The following UNK variants were observed in gnomAD, a reference collection of about 807,000 sequenced individuals.
UNK encodes the protein RING finger protein unkempt homolog.
A neutral mutation model predicts 97.6 loss-of-function variants in UNK; 32 were observed. The observed-to-expected ratio is 0.33, with a 90% confidence interval of 0.25 to 0.44. The LOEUF (loss-of-function observed/expected upper bound fraction) is 0.44, where lower values mean the gene tolerates loss of function less well. UNK is among the 20% of genes least tolerant of loss of function. The probability of loss-of-function intolerance (pLI) is 1.00; values close to 1 mark genes in which losing one functional copy is unlikely to be tolerated. For synonymous variants in UNK, 441 were observed against 461.2 expected (o/e 0.96, Z 0.56); for missense variants, 771 against 1,098.4 (o/e 0.70, Z 4.21).
rs2062038969 is a variant in UNK, at chr17:75,818,706, C to G, written c.1436C>G (p.Ser479Cys). The change falls in exon 11 of 16, where the codon TCC (serine) becomes TGC (cysteine). Residue 479 changes from serine (S) to cysteine (C), a missense_variant. Coordinates refer to ENST00000589666, the MANE Select transcript of UNK (RefSeq NM_001080419.3). The surrounding 1 kb of genome is among the most constrained non-coding windows in gnomAD (Gnocchi z 5.1). Reference sequence around the variant, plus strand: ...TCAAGCATCTCTTCTAGTATCACCTCCAGCCTGGCAGCTACCCCCCCTAGC... The same window carrying G: ...TCAAGCATCTCTTCTAGTATCACCTGCAGCCTGGCAGCTACCCCCCCTAGC... ...LTSSISSSITSSLAATPPSPV... is the reference protein window; with the variant it reads ...LTSSISSSITCSLAATPPSPV... 5 of 1,613,188 alleles carry G rather than the reference C, an allele frequency of 3.1e-6. No homozygotes were observed. Among genetic ancestry groups the G allele is most frequent in the Non-Finnish European group, 4.2e-6 (5 of 1,179,518 alleles).
chr17:75,793,404 A>G, intron 1 of UNK: 3 of 985,148 alleles, frequency 3.0e-6, no homozygotes, highest in Non-Finnish European at 3.6e-6. Context: ...TTATTTCTCT[A>G]TAAAATCCCT....
intron 1 of UNK, among the ~76,000 whole-genome samples, chr17:75,790,245 C>T (rs191627795): frequency 2.0e-5 from 3 of 151,836 alleles, no homozygotes; most frequent in Non-Finnish European, 4.4e-5. Context: ...TGCAGTGAGC[C>T]GAGATCTCGC....
chr17:75,820,176 G>T, intron 13 of UNK, 68 bp downstream of exon 13: 1 of 1,503,402 alleles, frequency 6.7e-7, no homozygotes. Context: ...GGTGCCTCTG[G>T]CCACCCCATC....
chr17:75,800,324 G>A (rs1246115248), intron 1 of UNK, among the ~76,000 whole-genome samples: 1 of 151,916 alleles, frequency 6.6e-6, no homozygotes, highest in African/African-American at 2.4e-5. Flanking sequence ...ACCCGCCTTG[G>A]CCTCTCAGAG....
In UNK at chr17:75,812,601, C is replaced by T. The variant is rs539684639; in HGVS notation, c.622+16C>T. Reference sequence around the variant, plus strand: ...CGGTGGCAAGGTACAGGCATCCACACCTCGGCCGCGCCCTCCCTATAATCC... The same window carrying T: ...CGGTGGCAAGGTACAGGCATCCACATCTCGGCCGCGCCCTCCCTATAATCC... On this transcript the variant is annotated intron_variant, in intron 4 of 15. Coordinates refer to ENST00000589666, the MANE Select transcript of UNK (RefSeq NM_001080419.3). 86 of 1,610,064 alleles carry T rather than the reference C, an allele frequency of 5.3e-5. No homozygotes were observed. In the South Asian group the frequency reaches 8.6e-4, roughly 16 times the overall value.
chr17:75,801,288 T>C (rs918452488), intron 1 of UNK, among the ~76,000 whole-genome samples: 6 of 152,274 alleles, frequency 3.9e-5, no homozygotes, highest in Non-Finnish European at 7.4e-5. Flanking sequence ...GCACTTCAAG[T>C]ATTTTACTTT....
At chr17:75,823,167 C>T (rs2062084594) in intron 14 of UNK, 98 bp from the exon 15 acceptor site, 4 of 1,493,378 alleles carry the variant, frequency 2.7e-6, no homozygotes, top group African/African-American at 1.4e-5. Context: ...CAGCTTCCCA[C>T]CAGGCCTCGC....
chr17:75,817,370 C>G lies in UNK; in HGVS notation c.1149C>G (p.Cys383Trp). Reference sequence around the variant, plus strand: ...GCCTAGGCAGCCCGTCTAACCTCTGCGGCTCCCCACCGGGCTCCATCAGGA... The same window carrying G: ...GCCTAGGCAGCCCGTCTAACCTCTGGGGCTCCCCACCGGGCTCCATCAGGA... ...NSSLGSPSNL[C>W]GSPPGSIRKP... Residue 383 changes from cysteine to tryptophan, a missense_variant, in exon 9 of 16, where the codon TGC becomes TGG. This residue lies in a region of UNK where 192 missense variants were observed against 202.4 expected (regional missense o/e 0.95). Coordinates refer to ENST00000589666, the MANE Select transcript of UNK (RefSeq NM_001080419.3). This position sits in a 1 kb window ranked among gnomAD's most constrained non-coding sequence, Gnocchi z 5.8. The G allele has an allele frequency of 2.5e-6, 4 of 1,608,800 alleles. No homozygotes were observed. Among genetic ancestry groups the G allele is most frequent in the Non-Finnish European group, 3.4e-6 (4 of 1,177,128 alleles).
At chr17:75,815,275 G>A (rs763128562) in intron 7 of UNK, 22 bp downstream of exon 7, 34 of 1,601,800 alleles carry the variant, frequency 2.1e-5, no homozygotes, top group African/African-American at 6.7e-5. Context: ...CCATTGCCCC[G>A]GGGCAGTGCC....
chr17:75,784,963 C>A lies in UNK; in HGVS notation c.83C>A (p.Pro28His). ...AATAQVLQAQPEKPQHYTYLK... is the reference protein window; with the variant it reads ...AATAQVLQAQHEKPQHYTYLK... ...ACCGCTCAGGTGCTGCAGGCACAGC[C>A]CGAGAAACCGCAGCACTACACGTAC... The change falls in exon 1 of 16, where the codon CCC (proline) becomes CAC (histidine). Residue 28 changes from proline to histidine, a missense_variant. By Grantham distance (77) the Pro-to-His change is moderately conservative. Coordinates refer to ENST00000589666, the MANE Select transcript of UNK (RefSeq NM_001080419.3). The A allele has an allele frequency of 6.5e-7, 1 of 1,528,672 alleles. No homozygotes were observed. The highest frequency in any genetic ancestry group is 2.3e-5 in the Admixed American group (1 of 42,692). 94.7% of individuals were successfully genotyped at this position (1,528,672 alleles called of 1,614,324 possible).
chr17:75,813,029 G>A (rs753496708), intron 4 of UNK, 49 bp from the exon 5 acceptor site: 2 of 1,534,004 alleles, frequency 1.3e-6, no homozygotes, highest in Admixed American at 4.1e-5. Flanking sequence ...TAGTCTTGGG[G>A]TGCTCCAGCT....
At chr17:75,797,290 C>T (rs933503447) in intron 1 of UNK, among the ~76,000 whole-genome samples, 5 of 152,222 alleles carry the variant, frequency 3.3e-5, no homozygotes, top group African/African-American at 7.2e-5. Flanking sequence ...GGCTGGAGTG[C>T]GGTGGCGCAA....
chr17:75,789,780 G>A (rs1297047048), intron 1 of UNK, among the ~76,000 whole-genome samples: 3 of 152,112 alleles, frequency 2.0e-5, no homozygotes, highest in Admixed American at 6.6e-5. Flanking sequence ...TAGCAATCAC[G>A]TCTCAAAATG....
chr17:75,794,548 G>A (rs1185535587), intron 1 of UNK, among the ~76,000 whole-genome samples: 1 of 151,486 alleles, frequency 6.6e-6, no homozygotes, highest in Non-Finnish European at 1.5e-5. Context: ...TGAGGCAGGA[G>A]AATCACTAGG....
chr17:75,801,225 C>T (rs1173180878), intron 1 of UNK, among the ~76,000 whole-genome samples: 1 of 152,064 alleles, frequency 6.6e-6, no homozygotes, highest in African/African-American at 2.4e-5. Context: ...TTTATACGTT[C>T]TTCATCACCA....
Position 75,819,059 on chromosome 17 carries a change from G to C in UNK, c.1546+243G>C. The C allele has an allele frequency of 2.2e-6, 1 of 460,906 alleles. No individual in the cohort carries two copies. Among genetic ancestry groups the C allele is most frequent in the Non-Finnish European group, 3.8e-6 (1 of 264,154 alleles). The allele number at this position is 460,906 out of a possible 1,614,324, so 28.6% of individuals were successfully genotyped here. Reference sequence around the variant, plus strand: ...AAGAGGTGCCTTTTCCCCTTGGTGAGTACAGTCTCACCCCAAGACGTGTTG... The same window carrying C: ...AAGAGGTGCCTTTTCCCCTTGGTGACTACAGTCTCACCCCAAGACGTGTTG... On this transcript the variant is annotated intron_variant, in intron 11 of 15. Coordinates refer to ENST00000589666, the MANE Select transcript of UNK (RefSeq NM_001080419.3). The surrounding 1 kb of genome is among the most constrained non-coding windows in gnomAD (Gnocchi z 5.4).
Position 75,817,608 on chromosome 17 carries a change from C to A in UNK, c.1305+82C>A. On this transcript the variant is annotated intron_variant, in intron 9 of 15. Transcript: ENST00000589666. The surrounding 1 kb of genome is among the most constrained non-coding windows in gnomAD (Gnocchi z 5.8). ...ATCTTGGAGGAGTGTCTTGGTCCAG[C>A]TACGGGGAGGATGACTGGGAGCTAG... is the stretch of plus-strand genomic sequence containing the variant. The A allele has an allele frequency of 7.1e-7, 1 of 1,409,820 alleles. No individual in the cohort carries two copies. Among genetic ancestry groups the A allele is most frequent in the Non-Finnish European group, 9.6e-7 (1 of 1,045,778 alleles). The allele number at this position is 1,409,820 out of a possible 1,614,324, so 87.3% of individuals were successfully genotyped here.
intron 1 of UNK, among the ~76,000 whole-genome samples, chr17:75,801,483 C>T (rs1368617298): frequency 6.6e-6 from 1 of 152,102 alleles, no homozygotes; most frequent in Non-Finnish European, 1.5e-5. Context: ...CACTACTGCA[C>T]TCCAGCCTGG....
rs868840916 is a variant in UNK at position 75,793,974 on chromosome 17, C to T, written c.104+8990C>T. On this transcript the variant is annotated intron_variant, in intron 1 of 15. Transcript: ENST00000589666. ...TAATTTTGGTAAGAACATTACTATA[C>T]GTTTCTGATGTCACTTTTACTGTTA... 16 of 985,290 alleles carry T rather than the reference C, an allele frequency of 1.6e-5. No homozygotes were observed. In the South Asian group the frequency reaches 2.8e-4, roughly 17 times the overall value. The allele number at this position is 985,290 out of a possible 1,614,324, so 61.0% of individuals were successfully genotyped here.
Sources: allele counts gnomAD v4.1 joint callset (sites outside exome capture counted in the v4.1 genomes callset), GRCh38; gene constraint gnomAD v4.1.1; regional missense constraint gnomAD v4.1.1; non-coding constraint Gnocchi (gnomAD v3.1); transcripts MANE v1.5; gene names NCBI Gene and HGNC (gene_info 2026-07-23, HGNC 2026-07-21).